VAV3: variants seen among roughly 807,000 people sequenced by gnomAD.
VAV3 encodes vav guanine nucleotide exchange factor 3, also known as guanine nucleotide exchange factor VAV3.
VAV3 carries 94 observed loss-of-function variants against 131.2 expected under a neutral mutation model. That is an observed-to-expected ratio of 0.72 (90% CI 0.61 to 0.85). The LOEUF is 0.85. Ranked by LOEUF, VAV3 falls within the 40% of genes least tolerant of loss-of-function variation. The pLI is 0.00. For missense variants in VAV3, 939 were observed against 1,002.7 expected (o/e 0.94, Z 0.86); for synonymous variants, 349 against 342.0 (o/e 1.02, Z -0.22).
At chr1:107,870,487 T>G (rs1268657004) in intron 2 of VAV3, among the ~76,000 whole-genome samples, 3 of 150,942 alleles carry the variant, frequency 2.0e-5, no homozygotes, top group African/African-American at 7.4e-5. Flanking sequence ...TGGGACTGTT[T>G]GTTTTATTTT....
At position 107,693,958 on chromosome 1, in the gene VAV3, C is replaced by A. The variant is rs188484226; in HGVS notation, c.1706-5552G>T. 2.0e-5 allele frequency among the ~76,000 whole-genome samples: 3 copies of A among 152,172 alleles called. No homozygotes were observed. The East Asian group carries it at 5.8e-4, about 29-fold the overall frequency. ...ACTTCCAGGCTATGGGTCTGTAAGT[C>A]AGCAACCCTAGAACCCATGTGTCAA... On this transcript the variant is annotated intron_variant, in intron 17 of 26. Transcript: ENST00000370056.
intron 15 of VAV3, among the ~76,000 whole-genome samples, chr1:107,721,090 T>G (rs1661467997): frequency 6.6e-6 from 1 of 151,924 alleles, no homozygotes; most frequent in Non-Finnish European, 1.5e-5. Context: ...ATGTCCAGAG[T>G]TCTAGGGTGG....
chr1:107,870,408 T>TATC (rs1670199204), intron 2 of VAV3, among the ~76,000 whole-genome samples: 1 of 152,178 alleles, frequency 6.6e-6, no homozygotes, highest in South Asian at 2.1e-4. Flanking sequence ...CATTTTTTCA[T>TATC]ATGTTTGTTG....
chr1:107,607,760 T>C lies in VAV3; in HGVS notation c.2015+2171A>G, dbSNP rs1234237434. Among the ~76,000 whole-genome samples, 7 of 152,236 alleles carry C rather than the reference T, an allele frequency of 4.6e-5. No individual in the cohort carries two copies. In the South Asian group the frequency reaches 1.4e-3, roughly 32 times the overall value. ...CATAGATTATTGAAGACAATCATCTTAATTTTCTATTTTATTTCATTCTGT... is the reference window on the plus strand; with the variant it reads ...CATAGATTATTGAAGACAATCATCTCAATTTTCTATTTTATTTCATTCTGT... On this transcript the variant is annotated intron_variant, in intron 22 of 26. Transcript: ENST00000370056.
chr1:107,954,477 T>C (rs1436540169), intron 1 of VAV3, among the ~76,000 whole-genome samples: 1 of 152,142 alleles, frequency 6.6e-6, no homozygotes, highest in African/African-American at 2.4e-5. Flanking sequence ...ACCCATTTTA[T>C]ACTGAATAGT....
intron 7 of VAV3, among the ~76,000 whole-genome samples, chr1:107,768,085 C>G (rs543439586): frequency 5.9e-5 from 9 of 152,240 alleles, no homozygotes; most frequent in Non-Finnish European, 1.3e-4. Context: ...ACCTACAAGA[C>G]AAGGTCTGAG....
intron 9 of VAV3, among the ~76,000 whole-genome samples, chr1:107,763,245 C>T (rs558560773): frequency 4.9e-4 from 75 of 152,282 alleles, no homozygotes; most frequent in African/African-American, 1.7e-3. Context: ...AGGGGCACCT[C>T]ACCCTGTGCC....
chr1:107,820,585 C>G (rs1020859875), intron 2 of VAV3, among the ~76,000 whole-genome samples: 8 of 151,518 alleles, frequency 5.3e-5, no homozygotes, highest in Non-Finnish European at 8.8e-5. Flanking sequence ...AAAAATTCAT[C>G]GTACATTTAA....
intron 17 of VAV3, 109 bp from the exon 18 acceptor site, chr1:107,688,515 C>T: frequency 6.4e-7 from 1 of 1,570,804 alleles, no homozygotes; most frequent in Non-Finnish European, 8.6e-7. Flanking sequence ...GTTTTCTTAA[C>T]TGATACCTGT....
intron 1 of VAV3, among the ~76,000 whole-genome samples, chr1:107,906,622 C>T (rs1672121272): frequency 1.3e-5 from 2 of 151,884 alleles, no homozygotes; most frequent in South Asian, 2.1e-4. Flanking sequence ...GCCAAGATCG[C>T]GCCACTGCAC....
At chr1:107,586,322 T>G (rs1558067699) in intron 25 of VAV3, among the ~76,000 whole-genome samples, 1 of 152,164 alleles carries the variant, frequency 6.6e-6, no homozygotes, top group Non-Finnish European at 1.5e-5. Flanking sequence ...GGCTCTCAAT[T>G]AAGATCTGTT....
intron 2 of VAV3, among the ~76,000 whole-genome samples, chr1:107,802,338 C>A (rs1666866255): frequency 6.6e-6 from 1 of 151,974 alleles, no homozygotes; most frequent in South Asian, 2.1e-4. Context: ...ATATGGATGG[C>A]CTTTATTTCT....
chr1:107,624,597 A>G (rs940884951), intron 20 of VAV3, among the ~76,000 whole-genome samples: 1 of 152,190 alleles, frequency 6.6e-6, no homozygotes, highest in Non-Finnish European at 1.5e-5. Flanking sequence ...ACAAAGGTCC[A>G]AAGAAATTTG....
At chr1:107,682,716 A>AAAACG (rs1173659027) in intron 19 of VAV3, among the ~76,000 whole-genome samples, 2 of 152,216 alleles carry the variant, frequency 1.3e-5, no homozygotes, top group Admixed American at 6.5e-5. Context: ...ATAGGAAAAC[A>AAAACG]AAATGAAACA....
chr1:107,642,131 T>G (rs114842840), intron 20 of VAV3, among the ~76,000 whole-genome samples: 4,358 of 152,174 alleles, frequency 0.029, 220 homozygotes, highest in African/African-American at 0.1. Context: ...AAAATGAGGC[T>G]GAAACCTACT....
At chr1:107,695,154 T>C (rs1659669248) in intron 17 of VAV3, among the ~76,000 whole-genome samples, 1 of 151,954 alleles carries the variant, frequency 6.6e-6, no homozygotes, top group Non-Finnish European at 1.5e-5. Flanking sequence ...TGTTATAGGT[T>C]GGGGGATAGG....
chr1:107,875,073 C>T (rs2101020580), intron 1 of VAV3, 56 bp from the exon 2 acceptor site: 2 of 1,410,274 alleles, frequency 1.4e-6, no homozygotes, highest in Admixed American at 3.4e-5. Flanking sequence ...ATGCTATCCA[C>T]CCTCTGTAAC....
intron 12 of VAV3, among the ~76,000 whole-genome samples, chr1:107,754,119 C>G (rs1663951302): frequency 6.6e-6 from 1 of 152,042 alleles, no homozygotes; most frequent in African/African-American, 2.4e-5. Context: ...AGTTTACGGG[C>G]AGTTATTAGC....
chr1:107,916,927 T>G (rs1156913082), intron 1 of VAV3, among the ~76,000 whole-genome samples: 5 of 152,044 alleles, frequency 3.3e-5, no homozygotes, highest in African/African-American at 1.2e-4. Flanking sequence ...GAGAAAACTG[T>G]GTGACGCACA....
Sources: allele counts gnomAD v4.1 joint callset (sites outside exome capture counted in the v4.1 genomes callset), GRCh38; gene constraint gnomAD v4.1.1; transcripts MANE v1.5; gene names NCBI Gene and HGNC (gene_info 2026-07-23, HGNC 2026-07-21).